Variants in NPAS3 observed in about 807,000 individuals in gnomAD.
The protein encoded by NPAS3 is neuronal PAS domain protein 3, also known as neuronal PAS domain-containing protein 3.
A neutral mutation model predicts 73.1 loss-of-function variants in NPAS3; 14 were observed. That is an observed-to-expected ratio of 0.19 (90% CI 0.13 to 0.30). The LOEUF is 0.30. NPAS3 is among the 10% of genes least tolerant of loss of function. The probability of loss-of-function intolerance (pLI) is 1.00; values close to 1 mark genes in which losing one functional copy is unlikely to be tolerated. For missense variants in NPAS3, 1,096 were observed against 1,250.0 expected, an observed-to-expected ratio of 0.88 and a Z score of 1.86; for synonymous variants, 620 against 541.5, an observed-to-expected ratio of 1.14 and a Z score of -2.01.
intron 1 of NPAS3, among the ~76,000 whole-genome samples, chr14:33,033,482 T>C (rs1488345907): frequency 6.6e-6 from 1 of 151,714 alleles, no homozygotes. Flanking sequence ...CTAACTCAAA[T>C]ATATATATAT....
intron 4 of NPAS3, among the ~76,000 whole-genome samples, chr14:33,474,972 G>C (rs2050952418): frequency 6.6e-6 from 1 of 152,174 alleles, no homozygotes; most frequent in Non-Finnish European, 1.5e-5. Flanking sequence ...GCCTCAGAGA[G>C]ATTAAGTAGT....
At chr14:33,705,557 C>T (rs183958177) in intron 6 of NPAS3, among the ~76,000 whole-genome samples, 29 of 152,204 alleles carry the variant, frequency 1.9e-4, no homozygotes, top group East Asian at 1.5e-3. Context: ...GTGTCTTTTG[C>T]GGACATTCTA....
chr14:33,436,879 A>T (rs558129619), intron 4 of NPAS3, among the ~76,000 whole-genome samples: 37 of 152,266 alleles, frequency 2.4e-4, no homozygotes, highest in African/African-American at 7.7e-4. Context: ...ATTAGGAAAA[A>T]CAACAACTCT....
intron 1 of NPAS3, among the ~76,000 whole-genome samples, chr14:32,956,565 G>A (rs150157510): frequency 4.7e-4 from 72 of 152,284 alleles, no homozygotes; most frequent in African/African-American, 1.7e-3. Context: ...TCCAGGGAAA[G>A]AGTGGATCAG....
intron 4 of NPAS3, among the ~76,000 whole-genome samples, chr14:33,548,107 CGTT>C (rs1415722437): frequency 6.6e-6 from 1 of 152,170 alleles, no homozygotes; most frequent in Non-Finnish European, 1.5e-5. Context: ...TTCATGCAAT[CGTT>C]GTTGGGAATT....
chr14:32,987,494 C>G (rs984398136), intron 1 of NPAS3, among the ~76,000 whole-genome samples: 3 of 151,784 alleles, frequency 2.0e-5, no homozygotes, highest in African/African-American at 7.3e-5. Flanking sequence ...TAGTTTCAGA[C>G]CTTTACACAA....
At chr14:33,132,222 C>T (rs1191783942) in intron 2 of NPAS3, among the ~76,000 whole-genome samples, 1 of 152,022 alleles carries the variant, frequency 6.6e-6, no homozygotes, top group African/African-American at 2.4e-5. Context: ...GTGTGGACTC[C>T]AAATGCTTGG....
At chr14:32,952,190 C>T (rs2036511653) in intron 1 of NPAS3, among the ~76,000 whole-genome samples, 1 of 151,954 alleles carries the variant, frequency 6.6e-6, no homozygotes, top group Non-Finnish European at 1.5e-5. Flanking sequence ...GAATATACCG[C>T]TGATAAAATA....
intron 2 of NPAS3, among the ~76,000 whole-genome samples, chr14:33,111,211 T>C (rs1156981211): frequency 1.3e-5 from 2 of 152,200 alleles, no homozygotes; most frequent in African/African-American, 4.8e-5. Flanking sequence ...AGGCCCTTCT[T>C]CCTGTTAGCC....
At chr14:33,343,031 C>T (rs1167073199) in intron 3 of NPAS3, among the ~76,000 whole-genome samples, 1 of 152,202 alleles carries the variant, frequency 6.6e-6, no homozygotes, top group South Asian at 2.1e-4. Flanking sequence ...TTCTAATCTT[C>T]TCCCTGGATT....
At chr14:33,693,002 A>G (rs2140416509) in intron 6 of NPAS3, among the ~76,000 whole-genome samples, 1 of 152,288 alleles carries the variant, frequency 6.6e-6, no homozygotes, top group South Asian at 2.1e-4. Flanking sequence ...GAGCAAAAAC[A>G]GTTCTAGCAT....
intron 2 of NPAS3, among the ~76,000 whole-genome samples, chr14:33,096,532 G>A (rs1595440828): frequency 6.6e-6 from 1 of 152,280 alleles, no homozygotes; most frequent in East Asian, 1.9e-4. Context: ...TGTTAACTCA[G>A]GGTTTGTCAG....
At chr14:33,250,625 C>T (rs1214354185) in intron 3 of NPAS3, among the ~76,000 whole-genome samples, 1 of 152,062 alleles carries the variant, frequency 6.6e-6, no homozygotes, top group African/African-American at 2.4e-5. Context: ...GTGGAGGATC[C>T]ATCAGTTATA....
chr14:33,125,062 G>A (rs2043376036), intron 2 of NPAS3, among the ~76,000 whole-genome samples: 1 of 152,008 alleles, frequency 6.6e-6, no homozygotes, highest in African/African-American at 2.4e-5. Flanking sequence ...AAAGAAATAT[G>A]TGTTCTTTTT....
chr14:33,315,697 G>T (rs1398351210), intron 3 of NPAS3, among the ~76,000 whole-genome samples: 3 of 151,958 alleles, frequency 2.0e-5, no homozygotes, highest in Non-Finnish European at 4.4e-5. Context: ...GATGGAGAGA[G>T]TTCATCTTCA....
At chr14:33,507,210 C>T (rs982158474) in intron 4 of NPAS3, among the ~76,000 whole-genome samples, 16 of 151,834 alleles carry the variant, frequency 1.1e-4, no homozygotes, top group African/African-American at 2.2e-4. Flanking sequence ...AAGTAGAGAA[C>T]GTAAGGATAG....
chr14:33,146,967 C>CT lies in NPAS3; in HGVS notation c.141-68209dup, dbSNP rs545090287. On this transcript the variant is annotated intron_variant, in intron 2 of 11. Coordinates refer to ENST00000356141, the Ensembl canonical transcript of NPAS3. ...TATTTCAAGGAACCTTGCTACATAT[C>CT]TTTTTTGTAAAGTGAAATCTTTTGT... Among the ~76,000 whole-genome samples the CT allele has an allele frequency of 5.3e-5, 8 of 152,140 alleles. No individual in the cohort carries two copies. The South Asian group carries it at 1.0e-3, about 20-fold the overall frequency.
At chr14:33,615,693 T>A (rs1251904928) in intron 5 of NPAS3, among the ~76,000 whole-genome samples, 1 of 152,168 alleles carries the variant, frequency 6.6e-6, no homozygotes, top group African/African-American at 2.4e-5. Context: ...GTAGCATAAA[T>A]CAACTTGTTT....
chr14:33,120,108 C>A (rs2043187141), intron 2 of NPAS3, among the ~76,000 whole-genome samples: 1 of 151,954 alleles, frequency 6.6e-6, no homozygotes, highest in Non-Finnish European at 1.5e-5. Context: ...TTATAGGCAC[C>A]CGCCACCAGG....
Sources: allele counts gnomAD v4.1 joint callset (sites outside exome capture counted in the v4.1 genomes callset), GRCh38; gene constraint gnomAD v4.1.1; transcripts MANE v1.5; gene names NCBI Gene and HGNC (gene_info 2026-07-23, HGNC 2026-07-21).